The following DCUN1D4 variants were observed in gnomAD, a reference collection of about 807,000 sequenced individuals.
The protein encoded by DCUN1D4 is defective in cullin neddylation 1 domain containing 4.
In DCUN1D4, 22 loss-of-function variants were observed where a neutral mutation model predicts 47.9. The observed-to-expected ratio is 0.46, with a 90% CI of 0.33 to 0.66. The LOEUF (loss-of-function observed/expected upper bound fraction) is 0.66, where lower values mean the gene tolerates loss of function less well. Among genes scored for constraint, DCUN1D4 ranks in the 30% least tolerant of loss-of-function variants. The pLI, the probability that DCUN1D4 is intolerant of heterozygous loss-of-function variation, is 0.02. For synonymous variants in DCUN1D4, 121 were observed against 112.2 expected (o/e 1.08, Z -0.50); for missense variants, 301 against 340.8 (o/e 0.88, Z 0.92).
intron 7 of DCUN1D4, among the ~76,000 whole-genome samples, chr4:51,895,559 TAAAAAAAAAAAAAAAAAA>T (rs67542268): frequency 1.1e-5 from 1 of 88,500 alleles, no homozygotes; most frequent in Non-Finnish European, 2.4e-5. Context: ...TGCTTAAACT[TAAAAAAAAAAAAAAAAAA>T]AAAAAAAAAA....
At chr4:51,853,226 G>T (rs532650541) in intron 1 of DCUN1D4, among the ~76,000 whole-genome samples, 1 of 152,290 alleles carries the variant, frequency 6.6e-6, no homozygotes, top group South Asian at 2.1e-4. Context: ...CCTGCAAGAG[G>T]AAGAAAAAGC....
intron 1 of DCUN1D4, among the ~76,000 whole-genome samples, chr4:51,859,974 T>C (rs1724782645): frequency 6.6e-6 from 1 of 152,198 alleles, no homozygotes; most frequent in African/African-American, 2.4e-5. Flanking sequence ...ATTTGATCTT[T>C]ACCCTTAACA....
rs1721877790 is a variant in DCUN1D4 at position 51,843,271 on chromosome 4, A to G, written c.25+4A>G. 2 of 1,537,758 alleles carry G rather than the reference A, an allele frequency of 1.3e-6. No homozygotes were observed. The highest frequency in any genetic ancestry group is 1.8e-6 in the Non-Finnish European group (2 of 1,142,224). On this transcript the variant is annotated splice_donor_region_variant and intron_variant, in intron 1 of 10. Coordinates refer to ENST00000334635, the MANE Select transcript of DCUN1D4 (RefSeq NM_001040402.3). ...CACTCGGATGCCGCCGCTGTCAGTG[A>G]GTAGCAGAGAGCCAGCCAGCGGGCC...
rs777667478 is a variant in DCUN1D4, at chr4:51,886,661, G to A, written c.414+23G>A. ...AACGTGAGTCAAACTTACTGAGTTG[G>A]GTGAATCAGTTGGTTGTTTTTCATA... On this transcript the variant is annotated intron_variant, in intron 6 of 10. Transcript: ENST00000334635. The A allele has an allele frequency of 9.4e-6, 15 of 1,595,536 alleles. No homozygotes were observed. In the Admixed American group the frequency reaches 2.4e-4, roughly 25 times the overall value.
At chr4:51,871,705 G>A (rs1052469935) in intron 3 of DCUN1D4, among the ~76,000 whole-genome samples, 1 of 152,226 alleles carries the variant, frequency 6.6e-6, no homozygotes, top group Non-Finnish European at 1.5e-5. Flanking sequence ...CAGTATAACA[G>A]GCTTTACAGC....
At chr4:51,849,230 A>C (rs1723002528) in intron 1 of DCUN1D4, among the ~76,000 whole-genome samples, 1 of 152,176 alleles carries the variant, frequency 6.6e-6, no homozygotes, top group African/African-American at 2.4e-5. Context: ...CAAGGAAAGA[A>C]GAGTAGCCCA....
intron 6 of DCUN1D4, 91 bp from the exon 7 acceptor site, chr4:51,891,669 A>C: frequency 9.2e-6 from 9 of 973,490 alleles, no homozygotes; most frequent in East Asian, 5.5e-5. Flanking sequence ...GCATTTAGCA[A>C]AACGTTAATG....
At chr4:51,860,646 G>A (rs1223235637) in intron 1 of DCUN1D4, 1 of 455,116 alleles carries the variant, frequency 2.2e-6, no homozygotes, top group Admixed American at 2.4e-5. Context: ...GCGAAAGCAG[G>A]AGCGAGAGAG....
intron 3 of DCUN1D4, 45 bp from the exon 4 acceptor site, chr4:51,874,226 G>A: frequency 7.6e-7 from 1 of 1,315,840 alleles, no homozygotes; most frequent in Non-Finnish European, 1.1e-6. Context: ...ACAGAGTTAG[G>A]ATGTAGCATA....
intron 8 of DCUN1D4, chr4:51,910,704 A>G: frequency 4.3e-6 from 1 of 231,546 alleles, no homozygotes; most frequent in East Asian, 1.2e-4. Context: ...CTTTATGGTC[A>G]ACAATTAGGA....
intron 1 of DCUN1D4, 120 bp from the exon 2 acceptor site, chr4:51,863,317 T>A: frequency 1.3e-6 from 1 of 798,100 alleles, no homozygotes; most frequent in Non-Finnish European, 2.0e-6. Context: ...TAAAAAACTT[T>A]AGTGTCAAAT....
At chr4:51,909,478 GCA>G (rs1733382425) in intron 8 of DCUN1D4, 1 of 158,376 alleles carries the variant, frequency 6.3e-6, no homozygotes, top group Non-Finnish European at 1.4e-5. Context: ...CCATTTGCTT[GCA>G]CAGTGTCATC....
At chr4:51,895,958 A>C (rs1731205442) in intron 7 of DCUN1D4, among the ~76,000 whole-genome samples, 1 of 152,124 alleles carries the variant, frequency 6.6e-6, no homozygotes, top group South Asian at 2.1e-4. Context: ...CAGGCTCTAG[A>C]GTCCTCTGAA....
chr4:51,837,855 G>A, the DCUN1D4 span, among the ~76,000 whole-genome samples: 1 of 151,906 alleles, frequency 6.6e-6, no homozygotes, highest in African/African-American at 2.4e-5. Flanking sequence ...TCCTTCATGA[G>A]GAAAGATATC....
At chr4:51,875,076 A>G (rs1577936924) in intron 4 of DCUN1D4, 1 of 152,198 alleles carries the variant, frequency 6.6e-6, no homozygotes, top group Non-Finnish European at 1.5e-5. Context: ...TCATATCACT[A>G]ATGGGCCAGA....
At chr4:51,857,867 A>G (rs190328918) in intron 1 of DCUN1D4, among the ~76,000 whole-genome samples, 1 of 152,214 alleles carries the variant, frequency 6.6e-6, no homozygotes, top group Admixed American at 6.5e-5. Context: ...GCGTTTATTC[A>G]TTTGTTGAAT....
At chr4:51,863,540 CTGTT>C (rs754834486) in intron 2 of DCUN1D4, 33 bp downstream of exon 2, 160 of 1,586,072 alleles carry the variant, frequency 1.0e-4, no homozygotes, top group Non-Finnish European at 1.3e-4. Context: ...AAATTACCAA[CTGTT>C]TGAAGTAGTC....
At chr4:51,889,640 T>C (rs1374914191) in intron 6 of DCUN1D4, among the ~76,000 whole-genome samples, 3 of 152,174 alleles carry the variant, frequency 2.0e-5, no homozygotes, top group Non-Finnish European at 2.9e-5. Context: ...TTAAATCTTT[T>C]TGGTAGAGAG....
intron 1 of DCUN1D4, among the ~76,000 whole-genome samples, chr4:51,856,665 C>T (rs973269062): frequency 1.3e-5 from 2 of 152,196 alleles, no homozygotes; most frequent in African/African-American, 4.8e-5. Context: ...ATAGCTAGCT[C>T]TCTGACTCCG....
Sources: allele counts gnomAD v4.1 joint callset (sites outside exome capture counted in the v4.1 genomes callset), GRCh38; gene constraint gnomAD v4.1.1; transcripts MANE v1.5; gene names NCBI Gene and HGNC (gene_info 2026-07-23, HGNC 2026-07-21).